SCLT1: variants seen among roughly 807,000 people sequenced by gnomAD.
SCLT1 encodes the protein sodium channel and clathrin linker 1, also known as sodium channel-associated protein 1.
In SCLT1, 78 loss-of-function variants were observed where a neutral mutation model predicts 112.8. The ratio of observed to expected loss-of-function variants is 0.69; its 90% CI spans 0.58 to 0.83. The LOEUF is 0.83. SCLT1 is among the 40% of genes least tolerant of loss of function. The pLI is 0.00. For missense variants in SCLT1, 747 were observed against 770.4 expected, an observed-to-expected ratio of 0.97 and a Z score of 0.36; for synonymous variants, 257 against 254.7, an observed-to-expected ratio of 1.01 and a Z score of -0.09.
At chr4:129,046,690 T>C (rs1006718840) in intron 2 of SCLT1, among the ~76,000 whole-genome samples, 2 of 152,134 alleles carry the variant, frequency 1.3e-5, no homozygotes, top group Non-Finnish European at 1.5e-5. Context: ...GGTATACCTA[T>C]AGGTAGAGTT....
intron 8 of SCLT1, among the ~76,000 whole-genome samples, chr4:128,995,814 G>A (rs1742966020): frequency 6.6e-6 from 1 of 152,084 alleles, no homozygotes; most frequent in South Asian, 2.1e-4. Context: ...TCTCTGGGCT[G>A]CCCTAGAGAA....
intron 18 of SCLT1, among the ~76,000 whole-genome samples, chr4:128,900,646 GCA>G (rs932062160): frequency 7.2e-5 from 11 of 152,272 alleles, no homozygotes; most frequent in African/African-American, 2.6e-4. Flanking sequence ...AACACCAAAT[GCA>G]ATGGCAACAA....
intron 18 of SCLT1, among the ~76,000 whole-genome samples, chr4:128,899,543 C>T (rs1259091633): frequency 6.6e-6 from 1 of 152,062 alleles, no homozygotes; most frequent in Non-Finnish European, 1.5e-5. Context: ...TAAGAGCTAT[C>T]TATGACAAAC....
At chr4:128,884,687 A>G (rs1451640381) in intron 20 of SCLT1, 148 bp from the exon 21 acceptor site, 3 of 608,230 alleles carry the variant, frequency 4.9e-6, no homozygotes, top group Non-Finnish European at 8.7e-6. Context: ...TTTTGAGGCA[A>G]TCTTGCTCTG....
chr4:129,033,054 T>C (rs543356540), intron 5 of SCLT1, among the ~76,000 whole-genome samples: 3 of 152,218 alleles, frequency 2.0e-5, no homozygotes, highest in East Asian at 1.9e-4. Flanking sequence ...TGAAGCACTA[T>C]TTACAATAGC....
chr4:128,902,215 AAAG>A lies in SCLT1; in HGVS notation c.1830-11081_1830-11079del, dbSNP rs1321495332. Among the ~76,000 whole-genome samples, 11 of 152,162 alleles carry A rather than the reference AAAG, an allele frequency of 7.2e-5. 1 individual carries two copies. Among genetic ancestry groups the A allele is most frequent in the East Asian group, 1.9e-4 (1 of 5,196 alleles). On this transcript the variant is annotated intron_variant, in intron 18 of 20. Coordinates refer to ENST00000281142, the MANE Select transcript of SCLT1 (RefSeq NM_144643.4). ...CCACCGTACCCAGGAGAAACTTTTA[AAAG>A]AAGGATTATTTTTAGTTTCCACAGT...
intron 18 of SCLT1, among the ~76,000 whole-genome samples, chr4:128,929,813 T>C (rs1405842897): frequency 6.6e-6 from 1 of 152,182 alleles, no homozygotes; most frequent in Non-Finnish European, 1.5e-5. Context: ...GAAGTTGACT[T>C]GCATCTATCC....
rs373138632 is a variant in SCLT1 at position 128,937,016 on chromosome 4, T to C, written c.1633-165A>G. 2.0e-4 allele frequency among the ~76,000 whole-genome samples: 30 copies of C among 152,280 alleles called. No individual in the cohort carries two copies. The South Asian group carries it at 5.0e-3, about 25-fold the overall frequency. ...AAGTTTGGTCAGGTGCGGTGGCTCA[T>C]GCCTGTAATCCCAGCACTTTGGGAG... is the stretch of plus-strand genomic sequence containing the variant. On this transcript the variant is annotated intron_variant, in intron 17 of 20. Coordinates refer to ENST00000281142, the MANE Select transcript of SCLT1 (RefSeq NM_144643.4).
chr4:128,915,608 T>G (rs1735413679), intron 18 of SCLT1, among the ~76,000 whole-genome samples: 1 of 152,168 alleles, frequency 6.6e-6, no homozygotes. Flanking sequence ...TTTTAAAAGT[T>G]CAAATGCATT....
intron 18 of SCLT1, among the ~76,000 whole-genome samples, chr4:128,921,246 A>C (rs773031159): frequency 6.6e-6 from 1 of 152,236 alleles, no homozygotes; most frequent in Admixed American, 6.5e-5. Context: ...TTACAGATTC[A>C]GTGCTATTCC....
At chr4:128,977,113 A>G (rs377519103) in intron 9 of SCLT1, among the ~76,000 whole-genome samples, 1 of 152,212 alleles carries the variant, frequency 6.6e-6, no homozygotes, top group South Asian at 2.1e-4. Context: ...AAAAGTCTAA[A>G]CCAGAGTGAT....
At chr4:129,016,203 G>A (rs779719428) in intron 5 of SCLT1, among the ~76,000 whole-genome samples, 47 of 151,918 alleles carry the variant, frequency 3.1e-4, no homozygotes, top group Non-Finnish European at 6.2e-4. Context: ...GGATACACAC[G>A]CAGGATGTGC....
At chr4:128,914,137 A>G (rs318541) in intron 18 of SCLT1, among the ~76,000 whole-genome samples, 107,968 of 151,970 alleles carry the variant, frequency 0.71, 38,477 homozygotes, top group African/African-American at 0.77. Flanking sequence ...AGGCCGAGGC[A>G]GGTGGATCAT....
intron 3 of SCLT1, among the ~76,000 whole-genome samples, chr4:128,877,797 T>A (rs1732555532): frequency 6.6e-6 from 1 of 152,204 alleles, no homozygotes; most frequent in Non-Finnish European, 1.5e-5. Flanking sequence ...TAAAACATGT[T>A]AATGCACTGG....
intron 17 of SCLT1, among the ~76,000 whole-genome samples, chr4:128,937,725 C>T (rs547970596): frequency 5.3e-5 from 8 of 152,204 alleles, no homozygotes; most frequent in African/African-American, 1.2e-4. Context: ...AAATCTCTTA[C>T]GAAAATGTCT....
chr4:129,026,697 G>C (rs1415883284), intron 5 of SCLT1, among the ~76,000 whole-genome samples: 2 of 152,080 alleles, frequency 1.3e-5, no homozygotes, highest in Non-Finnish European at 2.9e-5. Flanking sequence ...AAATAACTAA[G>C]ATCAGAGCAG....
chr4:129,044,275 T>A (rs55800030), intron 2 of SCLT1, among the ~76,000 whole-genome samples: 2,138 of 152,104 alleles, frequency 0.014, 52 homozygotes, highest in African/African-American at 0.046. Flanking sequence ...AATTTGAGGA[T>A]TTTTTCTTAA....
rs1738567633 is a variant in SCLT1, at chr4:128,949,946, G to C, written c.1219-1376C>G. 2.0e-5 allele frequency among the ~76,000 whole-genome samples: 3 copies of C among 147,566 alleles called. No homozygotes were observed. The South Asian group carries it at 6.5e-4, about 32-fold the overall frequency. On this transcript the variant is annotated intron_variant, in intron 14 of 20. Transcript: ENST00000281142. ...GATGTTCAATTATTTTATAGAAGAA[G>C]TGTATTTCAATATGTTTTTAAATTT...
At chr4:128,932,150 C>A (rs767638910) in intron 18 of SCLT1, among the ~76,000 whole-genome samples, 41 of 152,042 alleles carry the variant, frequency 2.7e-4, no homozygotes, top group Non-Finnish European at 2.9e-5. Flanking sequence ...AGGAATAATT[C>A]ATGACAATAA....
Sources: gnomAD v4.1 joint callset for allele counts (sites outside exome capture counted in the v4.1 genomes callset) on GRCh38, gnomAD v4.1.1 for gene constraint, MANE v1.5 for transcripts, NCBI Gene and HGNC (gene_info 2026-07-23, HGNC 2026-07-21) for gene names.